The following DCP2 variants were observed in gnomAD, a reference collection of about 807,000 sequenced individuals.
DCP2 encodes decapping mRNA 2, also known as m7GpppN-mRNA hydrolase.
In DCP2, 30 loss-of-function variants were observed where a neutral mutation model predicts 56.1. The ratio of observed to expected loss-of-function variants is 0.53; its 90% CI spans 0.40 to 0.73. The LOEUF is 0.73. Among genes scored for constraint, DCP2 ranks in the 30% least tolerant of loss-of-function variants. The pLI, the probability that DCP2 is intolerant of heterozygous loss-of-function variation, is 0.00. For missense variants in DCP2, 533 were observed against 502.7 expected, an observed-to-expected ratio of 1.06 and a Z score of -0.58; for synonymous variants, 197 against 163.3, an observed-to-expected ratio of 1.21 and a Z score of -1.57.
At chr5:112,984,700 A>T (rs1580795532) in intron 1 of DCP2, 2 of 107,976 alleles carry the variant, frequency 1.9e-5, no homozygotes, top group African/African-American at 4.4e-5. Context: ...AAAAAAAAAA[A>T]AAAATATATA....
At chr5:113,004,186 T>C in intron 8 of DCP2, 109 bp downstream of exon 8, 1 of 1,259,084 alleles carries the variant, frequency 7.9e-7, no homozygotes, top group Non-Finnish European at 1.1e-6. Context: ...TCTGAGTTAC[T>C]GATCAAAGCC....
In DCP2 at chr5:113,019,846, AAAAT is replaced by A. The variant is rs1750032224; in HGVS notation, c.*6366_*6369del. 3 of 152,244 alleles carry A rather than the reference AAAAT, an allele frequency of 2.0e-5. No homozygotes were observed. Among genetic ancestry groups the A allele is most frequent in the Admixed American group, 1.3e-4 (2 of 15,284 alleles). The allele number at this position is 152,244 out of a possible 1,614,324, so 9.4% of individuals were successfully genotyped here. A position where few individuals can be genotyped will look rare whatever the true frequency, so the allele number is the denominator to read the frequency against. On this transcript the variant is annotated 3_prime_UTR_variant, in exon 11 of 11. Transcript: ENST00000389063. ...ATTTAAAACCATCTCATTTCAGAAT[AAAAT>A]AAACGGAATTACAGTTCATGCATTA... is the stretch of plus-strand genomic sequence containing the variant.
chr5:112,986,378 C>T (rs1404239746), intron 2 of DCP2, among the ~76,000 whole-genome samples: 1 of 150,868 alleles, frequency 6.6e-6, no homozygotes. Context: ...TATTCTGTCG[C>T]TCAGGCTGAA....
At chr5:112,986,607 G>T (rs1748302228) in intron 2 of DCP2, among the ~76,000 whole-genome samples, 1 of 151,842 alleles carries the variant, frequency 6.6e-6, no homozygotes, top group South Asian at 2.1e-4. Context: ...TAAAGTGCTG[G>T]GATTAGAGGT....
intron 3 of DCP2, 43 bp downstream of exon 3, chr5:112,992,291 T>G: frequency 6.3e-7 from 1 of 1,577,578 alleles, no homozygotes; most frequent in South Asian, 1.2e-5. Flanking sequence ...ATGGTGATCG[T>G]TAATCTGTTA....
intron 9 of DCP2, among the ~76,000 whole-genome samples, chr5:113,009,459 C>G (rs1414235083): frequency 6.6e-6 from 1 of 152,094 alleles, no homozygotes; most frequent in Admixed American, 6.5e-5. Context: ...ATCAGATTGG[C>G]AAAGATGAAA....
At chr5:112,996,909 A>G (rs566610961) in intron 4 of DCP2, among the ~76,000 whole-genome samples, 1 of 152,350 alleles carries the variant, frequency 6.6e-6, no homozygotes, top group African/African-American at 2.4e-5. Context: ...ATTTTATTCC[A>G]TAAAATAAAA....
chr5:113,016,060 G>C lies in DCP2; in HGVS notation c.*2576G>C, dbSNP rs1199327430. ...TACGTTCCAACCTTATATGTTCCAA[G>C]GTGCAGTGCACTGTGAATCTTTTAT... On this transcript the variant is annotated 3_prime_UTR_variant, in exon 11 of 11. Coordinates refer to ENST00000389063, the MANE Select transcript of DCP2 (RefSeq NM_152624.6). 1 of 152,588 alleles carries C rather than the reference G, an allele frequency of 6.6e-6. No individual in the cohort carries two copies. The highest frequency in any genetic ancestry group is 1.5e-5 in the Non-Finnish European group (1 of 68,024). The allele number at this position is 152,588 out of a possible 1,614,324, so 9.5% of individuals were successfully genotyped here.
At chr5:113,005,002 G>A (rs2150186862) in intron 8 of DCP2, among the ~76,000 whole-genome samples, 1 of 152,012 alleles carries the variant, frequency 6.6e-6, no homozygotes, top group East Asian at 1.9e-4. Flanking sequence ...GCGGGCTCCT[G>A]TAATCCCAGC....
intron 1 of DCP2, among the ~76,000 whole-genome samples, chr5:112,979,064 A>G (rs767988293): frequency 1.1e-4 from 17 of 152,176 alleles, no homozygotes; most frequent in Non-Finnish European, 1.5e-4. Context: ...ATTACGTTGT[A>G]TTTTGTAAAC....
At chr5:112,999,029 A>C (rs773795186) in intron 4 of DCP2, among the ~76,000 whole-genome samples, 2 of 152,208 alleles carry the variant, frequency 1.3e-5, no homozygotes, top group African/African-American at 2.4e-5. Context: ...TTTGCATTTA[A>C]TTGACACGTC....
intron 3 of DCP2, 103 bp from the exon 4 acceptor site, chr5:112,992,569 G>C: frequency 1.2e-6 from 1 of 833,728 alleles, no homozygotes; most frequent in Non-Finnish European, 1.9e-6. Context: ...AAAATTATTG[G>C]CGATAACAGT....
chr5:113,015,375 T>G lies in DCP2; in HGVS notation c.*1891T>G, dbSNP rs1036575300. On this transcript the variant is annotated 3_prime_UTR_variant, in exon 11 of 11. Coordinates refer to ENST00000389063, the MANE Select transcript of DCP2 (RefSeq NM_152624.6). Reference sequence around the variant, plus strand: ...TTTTGGTATGTGTTTTTTTTTTTCTTTTTAAGTGCATACTTTGGCCAGTCT... The same window carrying G: ...TTTTGGTATGTGTTTTTTTTTTTCTGTTTAAGTGCATACTTTGGCCAGTCT... 19 of 152,574 alleles carry G rather than the reference T, an allele frequency of 1.2e-4. No homozygotes were observed. Among genetic ancestry groups the G allele is most frequent in the African/African-American group, 4.1e-4 (17 of 41,552 alleles). The allele number at this position is 152,574 out of a possible 1,614,324, so 9.5% of individuals were successfully genotyped here.
At chr5:113,002,002 A>G (rs1275331276) in intron 7 of DCP2, among the ~76,000 whole-genome samples, 1 of 152,210 alleles carries the variant, frequency 6.6e-6, no homozygotes, top group Non-Finnish European at 1.5e-5. Context: ...CCTACTTTTA[A>G]GATAATTGAG....
intron 1 of DCP2, chr5:112,984,697 A>ATATATATATATATATATATATATATAT (rs1436502850): frequency 4.9e-4 from 37 of 76,102 alleles, no homozygotes; most frequent in Middle Eastern, 6.4e-3. Flanking sequence ...AAAAAAAAAA[A>ATATATATATATATATATATATATATAT]AAAAAAATAT....
chr5:112,980,385 G>C (rs1469604974), intron 1 of DCP2, among the ~76,000 whole-genome samples: 1 of 152,182 alleles, frequency 6.6e-6, no homozygotes, highest in East Asian at 1.9e-4. Flanking sequence ...CTCATCTTCA[G>C]CTAGCCGTGT....
chr5:113,008,669 T>G (rs1749548369), intron 9 of DCP2, among the ~76,000 whole-genome samples: 2 of 152,168 alleles, frequency 1.3e-5, no homozygotes. Context: ...ATATTTTACC[T>G]GAATTCCCTG....
intron 8 of DCP2, among the ~76,000 whole-genome samples, chr5:113,004,374 A>C (rs1749316518): frequency 6.6e-6 from 1 of 152,224 alleles, no homozygotes; most frequent in Non-Finnish European, 1.5e-5. Context: ...CACAAGTGGG[A>C]TCTATTGGCT....
At position 113,021,763 on chromosome 5, in the gene DCP2, T is replaced by C. The variant is rs1327490470; in HGVS notation, c.*8279T>C. On this transcript the variant is annotated 3_prime_UTR_variant, in exon 11 of 11. Transcript: ENST00000389063. ...CATTGTAATCTTTCTCTAACAGATG[T>C]GTTGCAAAGCTGCTTGCCATCTTGT... 1.3e-5 allele frequency among the ~76,000 whole-genome samples: 2 copies of C among 152,172 alleles called. No homozygotes were observed. The highest frequency in any genetic ancestry group is 1.9e-4 in the East Asian group (1 of 5,204).
Sources: allele counts gnomAD v4.1 joint callset (sites outside exome capture counted in the v4.1 genomes callset), GRCh38; gene constraint gnomAD v4.1.1; transcripts MANE v1.5; gene names NCBI Gene and HGNC (gene_info 2026-07-23, HGNC 2026-07-21).